The following SDK2 variants were observed in gnomAD, a reference collection of about 807,000 sequenced individuals.
The protein encoded by SDK2 is protein sidekick-2.
In SDK2, 105 loss-of-function variants were observed where a neutral mutation model predicts 253.9. The ratio of observed to expected loss-of-function variants is 0.41; its 90% CI spans 0.35 to 0.49. The LOEUF (loss-of-function observed/expected upper bound fraction) is 0.49. Among genes scored for constraint, SDK2 ranks in the 20% least tolerant of loss-of-function variants. SDK2 has a pLI of 0.06. For synonymous variants in SDK2, 1,249 were observed against 1,234.9 expected (o/e 1.01, Z -0.24); for missense variants, 2,608 against 3,003.0 (o/e 0.87, Z 3.07).
chr17:73,553,154 C>T (rs2045089633), intron 1 of SDK2, among the ~76,000 whole-genome samples: 1 of 152,168 alleles, frequency 6.6e-6, no homozygotes, highest in African/African-American at 2.4e-5. Context: ...TGGAGGTGGC[C>T]TTGAGCATGG....
At chr17:73,526,333 T>A (rs2145794654) in intron 1 of SDK2, among the ~76,000 whole-genome samples, 1 of 152,294 alleles carries the variant, frequency 6.6e-6, no homozygotes, top group East Asian at 1.9e-4. Context: ...GAACTCTGAT[T>A]CAAGCCCTGG....
intron 5 of SDK2, among the ~76,000 whole-genome samples, chr17:73,445,422 G>A (rs2063446345): frequency 6.6e-6 from 1 of 152,188 alleles, no homozygotes; most frequent in African/African-American, 2.4e-5. Context: ...CCAAGCATGG[G>A]GTTTTCAGGA....
chr17:73,444,572 C>A (rs970302488), intron 5 of SDK2, among the ~76,000 whole-genome samples: 1 of 152,236 alleles, frequency 6.6e-6, no homozygotes, highest in African/African-American at 2.4e-5. Flanking sequence ...GGACATCTAA[C>A]GTGATCCATC....
At chr17:73,528,046 C>T (rs556119787) in intron 1 of SDK2, among the ~76,000 whole-genome samples, 102 of 152,178 alleles carry the variant, frequency 6.7e-4, no homozygotes, top group African/African-American at 2.4e-3. Context: ...GAGATGGAAA[C>T]ACCGCAGCTG....
At chr17:73,620,226 G>C (rs1301810153) in intron 1 of SDK2, among the ~76,000 whole-genome samples, 1 of 150,798 alleles carries the variant, frequency 6.6e-6, no homozygotes, top group Non-Finnish European at 1.5e-5. Flanking sequence ...CAATGGACTT[G>C]AACAGAAATT....
intron 1 of SDK2, among the ~76,000 whole-genome samples, chr17:73,626,280 G>A (rs555285768): frequency 2.0e-5 from 3 of 152,316 alleles, no homozygotes; most frequent in Admixed American, 6.5e-5. Context: ...AGATGAATGC[G>A]TTGGCCGGGG....
At chr17:73,365,452 G>C in intron 37 of SDK2, 57 bp from the exon 38 acceptor site, 4 of 1,516,958 alleles carry the variant, frequency 2.6e-6, no homozygotes, top group Non-Finnish European at 3.5e-6. Flanking sequence ...TCAAAGCCTC[G>C]GGTTCAGCTC....
At chr17:73,580,891 T>A (rs2045525582) in intron 1 of SDK2, among the ~76,000 whole-genome samples, 1 of 152,220 alleles carries the variant, frequency 6.6e-6, no homozygotes, top group African/African-American at 2.4e-5. Context: ...GAAACGCTCA[T>A]TGGAGCATTT....
intron 41 of SDK2, among the ~76,000 whole-genome samples, chr17:73,351,236 A>G (rs2062535739): frequency 2.0e-5 from 3 of 151,780 alleles, no homozygotes; most frequent in Admixed American, 2.0e-4. Context: ...CAGCCTTCCA[A>G]GTAACTGGGA....
chr17:73,390,886 G>A (rs971866778), intron 28 of SDK2, among the ~76,000 whole-genome samples: 5 of 152,204 alleles, frequency 3.3e-5, no homozygotes, highest in African/African-American at 7.2e-5. Context: ...GGCAGGTGGT[G>A]CGTGAGGTCA....
At position 73,455,530 on chromosome 17, in the gene SDK2, G is replaced by A. The variant is rs897563569; in HGVS notation, c.479+376C>T. Among the ~76,000 whole-genome samples the A allele has an allele frequency of 6.6e-5, 10 of 152,196 alleles. No homozygotes were observed. Among genetic ancestry groups the A allele is most frequent in the East Asian group, 1.9e-4 (1 of 5,198 alleles). On this transcript the variant is annotated intron_variant, in intron 4 of 44. Coordinates refer to ENST00000392650, the MANE Select transcript of SDK2 (RefSeq NM_001144952.2). The surrounding 1 kb of genome is among the most constrained non-coding windows in gnomAD (Gnocchi z 5.0). The stretch of plus-strand genomic sequence containing the variant: ...AGGGCCTCCCGGCTGCCCAGGAGAC[G>A]CCAGCCTCTCCAAGGTCCCCCAGCG...
chr17:73,352,136 GAA>G lies in SDK2; in HGVS notation c.5758+335_5758+336del, dbSNP rs1428474754. The stretch of plus-strand genomic sequence containing the variant: ...CACGTTGGGGCTGGAGGTTTCCATG[GAA>G]AGATAGTTTATGGCCTGGTGCCCAT... On this transcript the variant is annotated intron_variant, in intron 41 of 44. Coordinates refer to ENST00000392650, the MANE Select transcript of SDK2 (RefSeq NM_001144952.2). This position sits in a 1 kb window ranked among gnomAD's most constrained non-coding sequence, Gnocchi z 4.1. Among the ~76,000 whole-genome samples, 3 of 152,122 alleles carry G rather than the reference GAA, an allele frequency of 2.0e-5. No homozygotes were observed. Among genetic ancestry groups the G allele is most frequent in the Non-Finnish European group, 2.9e-5 (2 of 68,026 alleles).
intron 2 of SDK2, among the ~76,000 whole-genome samples, chr17:73,483,482 TGTG>T (rs2063740563): frequency 4.6e-5 from 2 of 43,236 alleles, no homozygotes; most frequent in South Asian, 7.4e-4. Context: ...CTAATCTTTG[TGTG>T]TGTGTGTGTG....
At chr17:73,375,495 C>A (rs947095022) in intron 36 of SDK2, among the ~76,000 whole-genome samples, 11 of 152,146 alleles carry the variant, frequency 7.2e-5, no homozygotes, top group Admixed American at 6.5e-4. Context: ...AATCCACCCA[C>A]CTCGGCCTTT....
At chr17:73,577,869 A>T (rs2045478206) in intron 1 of SDK2, among the ~76,000 whole-genome samples, 2 of 152,298 alleles carry the variant, frequency 1.3e-5, no homozygotes, top group South Asian at 4.1e-4. Flanking sequence ...TGCTAATCAG[A>T]TGATTTAAGA....
intron 2 of SDK2, among the ~76,000 whole-genome samples, chr17:73,489,869 C>G (rs569699098): frequency 1.3e-5 from 2 of 151,954 alleles, no homozygotes; most frequent in African/African-American, 4.8e-5. Context: ...ATTTGGCCAA[C>G]AAAAAAGTGA....
chr17:73,447,608 T>C lies in SDK2; in HGVS notation c.613+7A>G. The C allele has an allele frequency of 6.4e-7, 1 of 1,551,926 alleles. No individual in the cohort carries two copies. Among genetic ancestry groups the C allele is most frequent in the Non-Finnish European group, 8.7e-7 (1 of 1,147,038 alleles). On this transcript the variant is annotated splice_region_variant and intron_variant, in intron 5 of 44. Transcript: ENST00000392650. This position sits in a 1 kb window ranked among gnomAD's most constrained non-coding sequence, Gnocchi z 4.0. Reference sequence around the variant, plus strand: ...CCAAGATCGGTCCCGGCCCTGTGCGTACTTACTCTCCACGGTGAGCGTGAT... The same window carrying C: ...CCAAGATCGGTCCCGGCCCTGTGCGCACTTACTCTCCACGGTGAGCGTGAT...
intron 16 of SDK2, among the ~76,000 whole-genome samples, chr17:73,416,519 A>G (rs1207310720): frequency 1.3e-5 from 2 of 151,502 alleles, no homozygotes; most frequent in Non-Finnish European, 2.9e-5. Flanking sequence ...AATTTGTTTT[A>G]GTTTTGCTTA....
chr17:73,525,225 C>T (rs2064116039), intron 1 of SDK2, among the ~76,000 whole-genome samples: 1 of 152,280 alleles, frequency 6.6e-6, no homozygotes, highest in Admixed American at 6.5e-5. Flanking sequence ...CCATGGGGAA[C>T]TGACACAGGG....
Sources: gnomAD v4.1 joint callset for allele counts (sites outside exome capture counted in the v4.1 genomes callset) on GRCh38, gnomAD v4.1.1 for gene constraint, Gnocchi (gnomAD v3.1) non-coding constraint, MANE v1.5 for transcripts, NCBI Gene and HGNC (gene_info 2026-07-23, HGNC 2026-07-21) for gene names.